PRKG1: variants seen among roughly 807,000 people sequenced by gnomAD.
The protein encoded by PRKG1 is cGMP-dependent protein kinase 1.
PRKG1 carries 35 observed loss-of-function variants against 88.1 expected under a neutral mutation model. The ratio of observed to expected loss-of-function variants is 0.40; its 90% CI spans 0.30 to 0.53. PRKG1 has a LOEUF of 0.53. PRKG1 is among the 20% of genes least tolerant of loss of function. PRKG1 has a pLI of 0.59. For missense variants in PRKG1, 540 were observed against 839.8 expected (o/e 0.64, Z 4.41); for synonymous variants, 303 against 292.5 (o/e 1.04, Z -0.37).
intron 3 of PRKG1, among the ~76,000 whole-genome samples, chr10:51,718,498 T>C (rs1232233645): frequency 6.6e-6 from 1 of 152,170 alleles, no homozygotes; most frequent in Admixed American, 6.5e-5. Context: ...TCTTCTTAGA[T>C]TTTCTTCTAA....
chr10:51,239,801 G>A (rs1482115481), intron 2 of PRKG1, among the ~76,000 whole-genome samples: 4 of 152,150 alleles, frequency 2.6e-5, no homozygotes, highest in Non-Finnish European at 5.9e-5. Flanking sequence ...TTTTCTGGTG[G>A]TATAACCTCA....
chr10:51,519,259 T>G (rs1841674610), intron 3 of PRKG1, among the ~76,000 whole-genome samples: 1 of 152,224 alleles, frequency 6.6e-6, no homozygotes, highest in Non-Finnish European at 1.5e-5. Flanking sequence ...TGGTGACTGC[T>G]GTAATTACAT....
intron 4 of PRKG1, among the ~76,000 whole-genome samples, chr10:51,901,215 G>A (rs1841972207): frequency 1.3e-5 from 2 of 152,258 alleles, no homozygotes; most frequent in East Asian, 1.9e-4. Context: ...ACACTGAATA[G>A]CACAGTTACC....
intron 2 of PRKG1, among the ~76,000 whole-genome samples, chr10:51,283,957 A>G (rs945263448): frequency 1.3e-5 from 2 of 152,180 alleles, no homozygotes; most frequent in Non-Finnish European, 2.9e-5. Context: ...CTAATCAACC[A>G]ATTTACAAAC....
intron 1 of PRKG1, among the ~76,000 whole-genome samples, chr10:51,066,778 T>G (rs575846376): frequency 5.3e-4 from 80 of 152,246 alleles, no homozygotes; most frequent in Middle Eastern, 6.8e-3. Context: ...GAAAGAAATC[T>G]CTTTTCTTAC....
intron 5 of PRKG1, among the ~76,000 whole-genome samples, chr10:51,962,170 G>T (rs1359332624): frequency 1.3e-5 from 2 of 152,146 alleles, no homozygotes; most frequent in Admixed American, 1.3e-4. Flanking sequence ...CGGGAAGAAT[G>T]ATTCTTAAAA....
chr10:52,162,914 T>A (rs1199670612), intron 9 of PRKG1, among the ~76,000 whole-genome samples: 1 of 152,184 alleles, frequency 6.6e-6, no homozygotes, highest in African/African-American at 2.4e-5. Flanking sequence ...CTTAGGAAGT[T>A]ACACAGGCCA....
chr10:51,433,649 C>T (rs1487022286), intron 2 of PRKG1, among the ~76,000 whole-genome samples: 4 of 152,100 alleles, frequency 2.6e-5, no homozygotes, highest in Admixed American at 2.0e-4. Flanking sequence ...GTGATCTACA[C>T]GTCCCACCGT....
intron 7 of PRKG1, among the ~76,000 whole-genome samples, chr10:52,115,805 G>A (rs900865915): frequency 5.9e-5 from 9 of 152,118 alleles, no homozygotes; most frequent in Admixed American, 5.9e-4. Context: ...ATCTGGCTCA[G>A]GGTGTATATT....
chr10:52,104,008 AATAT>A (rs138580126), intron 7 of PRKG1, among the ~76,000 whole-genome samples: 1,483 of 145,330 alleles, frequency 0.01, 23 homozygotes, highest in African/African-American at 0.032. Context: ...GTGTATATAT[AATAT>A]ATATATATAT....
chr10:51,920,138 A>G (rs1458018962), intron 5 of PRKG1, among the ~76,000 whole-genome samples: 1 of 152,148 alleles, frequency 6.6e-6, no homozygotes, highest in Non-Finnish European at 1.5e-5. Context: ...GGAGATTGTC[A>G]AGGATACACA....
In PRKG1 at chr10:51,096,629, G is replaced by A. The variant is rs1844537740; in HGVS notation, c.311+21728G>A. Among the ~76,000 whole-genome samples the A allele has an allele frequency of 3.9e-5, 6 of 152,124 alleles. No homozygotes were observed. The South Asian group carries it at 1.2e-3, about 32-fold the overall frequency. On this transcript the variant is annotated intron_variant, in intron 1 of 17. Transcript: ENST00000373980. ...CTCTCAGGCCTGCCAATTTAATGCT[G>A]TGTTACTTTAGGTAAGTTGTTTAAC...
chr10:51,726,827 A>G (rs548144066), intron 3 of PRKG1, among the ~76,000 whole-genome samples: 20 of 152,238 alleles, frequency 1.3e-4, no homozygotes, highest in Middle Eastern at 3.4e-3. Context: ...CCCAGGCTGG[A>G]GTGCAGTGGC....
chr10:52,202,485 G>A (rs923974568), intron 9 of PRKG1, among the ~76,000 whole-genome samples: 4 of 151,982 alleles, frequency 2.6e-5, no homozygotes, highest in Non-Finnish European at 5.9e-5. Flanking sequence ...TATTGGCCTG[G>A]TGATTTCTTT....
At chr10:51,884,868 G>A (rs947885682) in intron 4 of PRKG1, among the ~76,000 whole-genome samples, 1 of 152,176 alleles carries the variant, frequency 6.6e-6, no homozygotes, top group African/African-American at 2.4e-5. Context: ...AAAGGGAGGG[G>A]AGTTAGCCTC....
chr10:51,196,568 A>G (rs1837773194), intron 2 of PRKG1, among the ~76,000 whole-genome samples: 1 of 152,206 alleles, frequency 6.6e-6, no homozygotes, highest in Non-Finnish European at 1.5e-5. Context: ...CATAAATACT[A>G]CAATAACTGT....
intron 12 of PRKG1, among the ~76,000 whole-genome samples, chr10:52,278,760 G>A (rs1210507412): frequency 6.6e-6 from 1 of 151,926 alleles, no homozygotes; most frequent in Admixed American, 6.6e-5. Context: ...AAAATTACAT[G>A]GGCATGGTGG....
chr10:51,712,693 T>C (rs528432114), intron 3 of PRKG1, among the ~76,000 whole-genome samples: 288 of 147,976 alleles, frequency 1.9e-3, no homozygotes, highest in Non-Finnish European at 3.3e-3. Flanking sequence ...AGGTTCACGC[T>C]ATTCTCCTGC....
chr10:51,867,249 C>A (rs1441716073), intron 4 of PRKG1, among the ~76,000 whole-genome samples: 1 of 152,034 alleles, frequency 6.6e-6, no homozygotes, highest in Non-Finnish European at 1.5e-5. Flanking sequence ...GGTGGAAGTA[C>A]CTTGGAGAGG....
Sources: gnomAD v4.1 joint callset for allele counts (sites outside exome capture counted in the v4.1 genomes callset) on GRCh38, gnomAD v4.1.1 for gene constraint, MANE v1.5 for transcripts, NCBI Gene and HGNC (gene_info 2026-07-23, HGNC 2026-07-21) for gene names.